Variants in CDC42BPA observed in about 807,000 individuals in gnomAD.
CDC42BPA encodes serine/threonine-protein kinase MRCK alpha.
CDC42BPA carries 80 observed loss-of-function variants against 223.5 expected under a neutral mutation model. The observed-to-expected ratio is 0.36, with a 90% CI of 0.30 to 0.43. The LOEUF (loss-of-function observed/expected upper bound fraction) is 0.43, where lower values mean the gene tolerates loss of function less well. Among genes scored for constraint, CDC42BPA ranks in the 20% least tolerant of loss-of-function variants. The pLI, the probability that CDC42BPA is intolerant of heterozygous loss-of-function variation, is 1.00. For synonymous variants in CDC42BPA, 694 were observed against 718.6 expected (o/e 0.97, Z 0.55); for missense variants, 1,743 against 2,099.9 (o/e 0.83, Z 3.32).
chr1:227,244,275 C>T (rs1680519164), intron 2 of CDC42BPA, among the ~76,000 whole-genome samples: 1 of 152,096 alleles, frequency 6.6e-6, no homozygotes, highest in Non-Finnish European at 1.5e-5. Context: ...ACAACTTGAA[C>T]ACCATTAATA....
intron 1 of CDC42BPA, among the ~76,000 whole-genome samples, chr1:227,311,717 C>A (rs1367203883): frequency 1.4e-5 from 2 of 145,616 alleles, no homozygotes; most frequent in East Asian, 2.1e-4. Flanking sequence ...ATTAAAAATA[C>A]CCAATCATAA....
intron 2 of CDC42BPA, among the ~76,000 whole-genome samples, chr1:227,217,698 C>A (rs1675113234): frequency 6.6e-6 from 1 of 152,114 alleles, no homozygotes; most frequent in South Asian, 2.1e-4. Context: ...CTCCACCTTC[C>A]CTGACCTCGT....
chr1:227,131,489 T>C (rs1445455152), intron 10 of CDC42BPA, among the ~76,000 whole-genome samples: 3 of 152,346 alleles, frequency 2.0e-5, no homozygotes, highest in South Asian at 2.1e-4. Flanking sequence ...ATCTTTCCAC[T>C]TTCTGGGTCT....
At chr1:227,044,596 G>A (rs1275173719) in intron 23 of CDC42BPA, among the ~76,000 whole-genome samples, 1 of 152,084 alleles carries the variant, frequency 6.6e-6, no homozygotes, top group Non-Finnish European at 1.5e-5. Flanking sequence ...GTATCTATAT[G>A]GGCGGGGCAG....
intron 1 of CDC42BPA, among the ~76,000 whole-genome samples, chr1:227,293,806 C>T (rs1216412854): frequency 1.3e-5 from 2 of 151,086 alleles, no homozygotes; most frequent in African/African-American, 4.9e-5. Flanking sequence ...AACAAAACTC[C>T]GCCTTAGAAA....
intron 30 of CDC42BPA, among the ~76,000 whole-genome samples, 167 bp downstream of exon 30, chr1:227,028,490 C>T (rs916029953): frequency 6.6e-6 from 1 of 152,142 alleles, no homozygotes; most frequent in Non-Finnish European, 1.5e-5. Context: ...CCAGGCCTAA[C>T]TACATATGGT....
intron 2 of CDC42BPA, among the ~76,000 whole-genome samples, chr1:227,250,600 G>A (rs916871400): frequency 2.6e-5 from 4 of 152,070 alleles, no homozygotes; most frequent in African/African-American, 9.7e-5. Flanking sequence ...CGAGTTATAT[G>A]TGTGTATATT....
intron 11 of CDC42BPA, among the ~76,000 whole-genome samples, chr1:227,121,666 G>A (rs891017921): frequency 4.0e-5 from 6 of 151,884 alleles, no homozygotes; most frequent in African/African-American, 1.5e-4. Context: ...TCAGAAAACT[G>A]TATTTTATCA....
intron 10 of CDC42BPA, among the ~76,000 whole-genome samples, chr1:227,131,198 G>A (rs184095002): frequency 4.2e-4 from 64 of 152,100 alleles, no homozygotes; most frequent in Non-Finnish European, 7.5e-4. Context: ...AATCCCCTAC[G>A]GCAGATACTG....
chr1:227,048,976 T>C (rs187208144), intron 22 of CDC42BPA, among the ~76,000 whole-genome samples: 101 of 152,102 alleles, frequency 6.6e-4, no homozygotes, highest in Non-Finnish European at 1.2e-3. Flanking sequence ...CAGAATATTT[T>C]ATAAGCACTA....
intron 5 of CDC42BPA, among the ~76,000 whole-genome samples, chr1:227,163,768 G>T: frequency 1.3e-5 from 2 of 149,640 alleles, no homozygotes; most frequent in African/African-American, 2.4e-5. Context: ...AAATACTAAT[G>T]TAGTCTTATA....
At chr1:227,215,771 T>TA (rs1424449804) in intron 2 of CDC42BPA, among the ~76,000 whole-genome samples, 5 of 152,058 alleles carry the variant, frequency 3.3e-5, no homozygotes, top group East Asian at 1.9e-4. Flanking sequence ...ACTACCAAAA[T>TA]AAAAAAATCT....
chr1:227,107,015 T>C (rs1433655390), intron 14 of CDC42BPA, among the ~76,000 whole-genome samples: 1 of 152,228 alleles, frequency 6.6e-6, no homozygotes, highest in Non-Finnish European at 1.5e-5. Flanking sequence ...CCTTTTTTTA[T>C]GATTGTTTTG....
At chr1:227,223,498 G>A (rs1676298163) in intron 2 of CDC42BPA, among the ~76,000 whole-genome samples, 1 of 152,136 alleles carries the variant, frequency 6.6e-6, no homozygotes, top group African/African-American at 2.4e-5. Context: ...TTAAGGCAGG[G>A]AAAGACATTG....
intron 2 of CDC42BPA, among the ~76,000 whole-genome samples, chr1:227,250,713 C>G (rs1558870086): frequency 6.6e-6 from 1 of 151,394 alleles, no homozygotes. Context: ...TATTTTCAGA[C>G]AAATAAAATC....
At position 227,164,234 on chromosome 1, in the gene CDC42BPA, G is replaced by A. The variant is rs542902469; in HGVS notation, c.600-3598C>T. 8.6e-4 allele frequency among the ~76,000 whole-genome samples: 131 copies of A among 151,956 alleles called. 1 individual carries two copies. The highest frequency in any genetic ancestry group is 3.0e-3 in the African/African-American group (124 of 41,450). Reference sequence around the variant, plus strand: ...ATTATAAAATAATGAGCTTCCTATCGGCAGAGCATATTTTTTAATTGCCAT... The same window carrying A: ...ATTATAAAATAATGAGCTTCCTATCAGCAGAGCATATTTTTTAATTGCCAT... On this transcript the variant is annotated intron_variant, in intron 5 of 36. Transcript: ENST00000366766.
At position 227,308,932 on chromosome 1, in the gene CDC42BPA, C is replaced by T. The variant is rs534064708; in HGVS notation, c.178+8073G>A. Among the ~76,000 whole-genome samples the T allele has an allele frequency of 2.6e-5, 4 of 152,266 alleles. No individual in the cohort carries two copies. In the East Asian group the frequency reaches 7.7e-4, roughly 29 times the overall value. ...AACTGAAAGTTAACACATGATTGCA[C>T]ATGACTGAAATAATTCACAATCTTT... On this transcript the variant is annotated intron_variant, in intron 1 of 36. Transcript: ENST00000366766.
intron 5 of CDC42BPA, among the ~76,000 whole-genome samples, chr1:227,190,925 A>T (rs573143522): frequency 1.3e-5 from 2 of 152,200 alleles, no homozygotes; most frequent in African/African-American, 4.8e-5. Flanking sequence ...ACAAATTGTT[A>T]TAACAGAGAA....
intron 26 of CDC42BPA, 110 bp downstream of exon 26, chr1:227,034,545 T>C: frequency 1.0e-6 from 1 of 1,001,856 alleles, no homozygotes; most frequent in East Asian, 2.6e-5. Context: ...AATTAGAAAA[T>C]ACGAAATTAG....
Sources: gnomAD v4.1 joint callset for allele counts (sites outside exome capture counted in the v4.1 genomes callset) on GRCh38, gnomAD v4.1.1 for gene constraint, MANE v1.5 for transcripts, NCBI Gene and HGNC (gene_info 2026-07-23, HGNC 2026-07-21) for gene names.